The following UGDH variants were observed in gnomAD, a reference collection of about 807,000 sequenced individuals.
UGDH encodes UDP-Glc dehydrogenase.
Under a neutral mutation model 50.6 loss-of-function variants are expected in UGDH, and 38 were observed. The ratio of observed to expected loss-of-function variants is 0.75; its 90% CI spans 0.58 to 0.98. The LOEUF (loss-of-function observed/expected upper bound fraction) is 0.98, where lower values mean the gene tolerates loss of function less well. Ranked by LOEUF, UGDH falls within the 50% of genes least tolerant of loss-of-function variation. The pLI is 0.00. For synonymous variants in UGDH, 168 were observed against 199.9 expected, an observed-to-expected ratio of 0.84 and a Z score of 1.35; for missense variants, 465 against 606.2, an observed-to-expected ratio of 0.77 and a Z score of 2.45.
intron 10 of UGDH, 76 bp downstream of exon 10, chr4:39,504,341 C>T: frequency 7.5e-7 from 1 of 1,340,552 alleles, no homozygotes; most frequent in South Asian, 1.2e-5. Context: ...AAAACACATA[C>T]ATGAACACAT....
At chr4:39,504,344 G>T (rs536337906) in intron 10 of UGDH, 73 bp downstream of exon 10, 3 of 1,342,404 alleles carry the variant, frequency 2.2e-6, no homozygotes, top group African/African-American at 1.4e-5. Context: ...ACACATACAT[G>T]AACACATACT....
chr4:39,503,885 A>G lies in UGDH; in HGVS notation c.1364T>C (p.Ile455Thr), dbSNP rs755764491. The G allele has an allele frequency of 1.1e-5, 18 of 1,613,744 alleles. No individual in the cohort carries two copies. Among genetic ancestry groups the G allele is most frequent in the East Asian group, 6.7e-5 (3 of 44,886 alleles). The part of the protein sequence containing the change: ...LDGLHNELQT[I>T]GFQIETIGKK... ...CAGGATCATGATTACCTGGAAGCCA[A>G]TGGTTTGTAGTTCATTGTGGAGCCC... The change falls in exon 11 of 12, where the codon ATT becomes ACT. Residue 455 changes from isoleucine to threonine, a missense_variant. Ile to Thr is a moderately conservative substitution (Grantham distance 89). Coordinates refer to ENST00000316423, the MANE Select transcript of UGDH (RefSeq NM_003359.4).
Position 39,505,289 on chromosome 4 carries a change from C to A in UGDH, c.1119G>T (p.Arg373Ser). Residue 373 changes from arginine (R) to serine (S), a missense_variant, in exon 9 of 12, where the codon AGG becomes AGT. Coordinates refer to ENST00000316423, the MANE Select transcript of UGDH (RefSeq NM_003359.4). ...HLHIYDPKVP[R>S]EQIVVDLSHP... is the part of the protein sequence containing the mutation. ...GAGAAAGATCCACAACTATTTGTTC[C>A]CTAGGTACTTTTGGATCATATATAT... 2 of 1,604,100 alleles carry A rather than the reference C, an allele frequency of 1.2e-6. No individual in the cohort carries two copies. The highest frequency in any genetic ancestry group is 1.7e-6 in the Non-Finnish European group (2 of 1,176,912).
intron 11 of UGDH, among the ~76,000 whole-genome samples, chr4:39,503,592 A>C (rs1745911590): frequency 6.6e-6 from 1 of 152,222 alleles, no homozygotes; most frequent in Non-Finnish European, 1.5e-5. Flanking sequence ...GTTGCCCCAG[A>C]GTTACGTTAC....
chr4:39,519,075 C>A (rs1578279158), intron 2 of UGDH, among the ~76,000 whole-genome samples: 1 of 152,118 alleles, frequency 6.6e-6, no homozygotes, highest in South Asian at 2.1e-4. Context: ...AGCCACCACA[C>A]CTGGCTAATT....
chr4:39,518,556 C>A (rs182420302), intron 2 of UGDH, among the ~76,000 whole-genome samples: 2 of 150,952 alleles, frequency 1.3e-5, no homozygotes, highest in Non-Finnish European at 2.9e-5. Context: ...ACTATATTGA[C>A]CAGGATGGAG....
At chr4:39,505,579 C>G (rs763811028) in intron 8 of UGDH, 39 bp downstream of exon 8, 2 of 1,530,624 alleles carry the variant, frequency 1.3e-6, no homozygotes, top group African/African-American at 2.7e-5. Context: ...GGAGTTAACA[C>G]AATCTCAAAA....
intron 2 of UGDH, among the ~76,000 whole-genome samples, chr4:39,518,833 A>G (rs1439703314): frequency 6.6e-6 from 1 of 152,202 alleles, no homozygotes; most frequent in East Asian, 1.9e-4. Context: ...CTTACCAAGC[A>G]GTGCATAAAA....
At position 39,518,525 on chromosome 4, in the gene UGDH, AT is replaced by A. The variant is rs1746520118; in HGVS notation, c.162+2825del. Reference sequence around the variant, plus strand: ...CACAATGCCCAGTTAATTTTTAAATATTTTTTAGAGACAAAGTTTCACTATA... The same window carrying A: ...CACAATGCCCAGTTAATTTTTAAATATTTTTAGAGACAAAGTTTCACTATA... On this transcript the variant is annotated intron_variant, in intron 2 of 11. Transcript: ENST00000316423. Among the ~76,000 whole-genome samples, 3 of 150,976 alleles carry A rather than the reference AT, an allele frequency of 2.0e-5. No homozygotes were observed. In the South Asian group the frequency reaches 6.3e-4, roughly 32 times the overall value.
intron 9 of UGDH, 151 bp downstream of exon 9, chr4:39,505,086 A>T: frequency 1.4e-6 from 1 of 724,346 alleles, no homozygotes; most frequent in Non-Finnish European, 2.1e-6. Flanking sequence ...TGTTGATGAC[A>T]TTATGCCTAA....
At chr4:39,524,972 C>A (rs1746815905) in intron 1 of UGDH, among the ~76,000 whole-genome samples, 1 of 152,208 alleles carries the variant, frequency 6.6e-6, no homozygotes, top group Admixed American at 6.5e-5. Flanking sequence ...ATGTGTTTTA[C>A]ACAAGCTTTA....
intron 2 of UGDH, among the ~76,000 whole-genome samples, chr4:39,516,125 A>T (rs958146713): frequency 1.2e-4 from 19 of 152,172 alleles, no homozygotes; most frequent in Non-Finnish European, 4.4e-5. Context: ...TACTAAAAAA[A>T]TTTTAAAAAA....
chr4:39,522,385 T>G (rs1366734578), intron 1 of UGDH, among the ~76,000 whole-genome samples: 1 of 152,200 alleles, frequency 6.6e-6, no homozygotes, highest in Admixed American at 6.5e-5. Context: ...ATCTAACCCA[T>G]TCACAGATTC....
intron 7 of UGDH, among the ~76,000 whole-genome samples, chr4:39,507,773 C>A (rs897225259): frequency 6.6e-6 from 1 of 151,930 alleles, no homozygotes; most frequent in Admixed American, 6.6e-5. Flanking sequence ...TATAGTGAGA[C>A]CTTGTCTCTA....
Position 39,500,262 on chromosome 4 carries a change from A to T in UGDH, c.1375-9T>A, listed in dbSNP as rs748182710. On this transcript the variant is annotated splice_polypyrimidine_tract_variant and intron_variant, in intron 11 of 11. Coordinates refer to ENST00000316423, the MANE Select transcript of UGDH (RefSeq NM_003359.4). ...TTGCCAATTGTTTCAATCTGAAAAAAAAATAAAATTTAAGAGAACTATTAA... is the reference window on the plus strand; with the variant it reads ...TTGCCAATTGTTTCAATCTGAAAAATAAATAAAATTTAAGAGAACTATTAA... 6.5e-7 allele frequency: 1 copy of T among 1,540,374 alleles called. No homozygotes were observed.
chr4:39,510,043 C>T, intron 5 of UGDH, 136 bp from the exon 6 acceptor site: 3 of 1,036,566 alleles, frequency 2.9e-6, no homozygotes, highest in East Asian at 2.7e-5. Context: ...TTTGAGGAGA[C>T]AATGGATGGG....
chr4:39,522,111 G>A (rs1252551301), intron 1 of UGDH, among the ~76,000 whole-genome samples: 1 of 152,078 alleles, frequency 6.6e-6, no homozygotes, highest in Admixed American at 6.6e-5. Flanking sequence ...ACCATAAGGT[G>A]GTTAAAGAAA....
rs1032701129 is a variant in UGDH, at chr4:39,509,633, A to G, written c.811+127T>C. 4.5e-6 allele frequency: 5 copies of G among 1,115,438 alleles called. No individual in the cohort carries two copies. The African/African-American group carries it at 4.9e-5, about 11-fold the overall frequency. The allele number at this position is 1,115,438 out of a possible 1,614,324, so 69.1% of individuals were successfully genotyped here. On this transcript the variant is annotated intron_variant, in intron 6 of 11. Transcript: ENST00000316423. ...GAGTCTGAATCATCTCTAAAAAAGA[A>G]AATAACAGCATCTACCTAACAGGTT... is the stretch of plus-strand genomic sequence containing the variant.
At chr4:39,521,057 A>G in intron 2 of UGDH, among the ~76,000 whole-genome samples, 1 of 142,904 alleles carries the variant, frequency 7.0e-6, no homozygotes. Context: ...GCGACAGAGG[A>G]AGACTCCGTC....
Sources: allele counts gnomAD v4.1 joint callset (sites outside exome capture counted in the v4.1 genomes callset), GRCh38; gene constraint gnomAD v4.1.1; transcripts MANE v1.5; gene names NCBI Gene and HGNC (gene_info 2026-07-23, HGNC 2026-07-21).